Variants in SLC43A3 observed in about 807,000 individuals in gnomAD.
SLC43A3 encodes equilibrative nucleobase transporter 1.
In SLC43A3, 33 loss-of-function variants were observed where a neutral mutation model predicts 53.3. The observed-to-expected ratio is 0.62, with a 90% CI of 0.47 to 0.83. The LOEUF is 0.83. Among genes scored for constraint, SLC43A3 ranks in the 40% least tolerant of loss-of-function variants. SLC43A3 has a pLI of 0.00. For missense variants in SLC43A3, 530 were observed against 610.0 expected (o/e 0.87, Z 1.38); for synonymous variants, 236 against 246.2 (o/e 0.96, Z 0.39).
chr11:57,419,393 G>A lies in SLC43A3; in HGVS notation c.532-1506C>T, dbSNP rs142288831. ...CCATTTTACAGAGAGTGACGTTGAGGTCCAGAGAGGTGCAGTGAATTGCTC... is the reference window on the plus strand; with the variant it reads ...CCATTTTACAGAGAGTGACGTTGAGATCCAGAGAGGTGCAGTGAATTGCTC... On this transcript the variant is annotated intron_variant, in intron 7 of 13. Coordinates refer to ENST00000395124, the MANE Select transcript of SLC43A3 (RefSeq NM_199329.3). Among the ~76,000 whole-genome samples the A allele has an allele frequency of 5.9e-5, 9 of 152,272 alleles. No individual in the cohort carries two copies. In the East Asian group the frequency reaches 1.7e-3, roughly 29 times the overall value.
At position 57,409,104 on chromosome 11, in the gene SLC43A3, G is replaced by A. The variant is rs928858381; in HGVS notation, c.1371+71C>T. The A allele has an allele frequency of 3.3e-6, 5 of 1,530,328 alleles. No individual in the cohort carries two copies. In the African/African-American group the frequency reaches 5.5e-5, roughly 17 times the overall value. 94.8% of individuals were successfully genotyped at this position (1,530,328 alleles called of 1,614,324 possible). ...CATGCTACATACCCAGGCCATCACA[G>A]CCAGATTTGGGGCAGCCAAGGCCTA... On this transcript the variant is annotated intron_variant, in intron 13 of 13. Coordinates refer to ENST00000395124, the MANE Select transcript of SLC43A3 (RefSeq NM_199329.3).
In SLC43A3 at chr11:57,408,382, C is replaced by A. The variant is rs149011284; in HGVS notation, c.1372-486G>T. On this transcript the variant is annotated intron_variant, in intron 13 of 13. Coordinates refer to ENST00000395124, the MANE Select transcript of SLC43A3 (RefSeq NM_199329.3). ...TTCAAAACCAGCCCAGGCAACATAG[C>A]GAAACCCCAGTGTCTATCAAAAAAA... 12 of 156,884 alleles carry A rather than the reference C, an allele frequency of 7.6e-5. No homozygotes were observed. In the East Asian group the frequency reaches 1.9e-3, roughly 25 times the overall value. The allele number at this position is 156,884 out of a possible 1,614,324, so 9.7% of individuals were successfully genotyped here. A position where few individuals can be genotyped will look rare whatever the true frequency, so the allele number is the denominator to read the frequency against.
intron 10 of SLC43A3, 62 bp downstream of exon 10, chr11:57,414,871 G>A (rs767668726): frequency 6.3e-7 from 1 of 1,589,556 alleles, no homozygotes; most frequent in Non-Finnish European, 8.6e-7. Context: ...CAGCCCTGCT[G>A]GGAGGCTCTG....
At chr11:57,413,272 C>G (rs1942566606) in intron 11 of SLC43A3, among the ~76,000 whole-genome samples, 1 of 152,150 alleles carries the variant, frequency 6.6e-6, no homozygotes, top group Admixed American at 6.5e-5. Context: ...ATAGAAGACA[C>G]AGCAACCAAA....
chr11:57,411,494 A>G (rs1942472092), intron 11 of SLC43A3, among the ~76,000 whole-genome samples: 1 of 145,932 alleles, frequency 6.9e-6, no homozygotes. Context: ...AAAAAAAAAA[A>G]AAAAAAAAAA....
At chr11:57,409,061 C>T (rs1183029724) in intron 13 of SLC43A3, 114 bp downstream of exon 13, 15 of 1,031,100 alleles carry the variant, frequency 1.5e-5, no homozygotes, top group Non-Finnish European at 2.1e-5. Context: ...ATAACACAGA[C>T]CCTTTGGGAA....
intron 7 of SLC43A3, among the ~76,000 whole-genome samples, chr11:57,418,889 CA>C (rs112768792): frequency 0.12 from 15,316 of 127,694 alleles, 1,484 homozygotes; most frequent in African/African-American, 0.29. Flanking sequence ...GACTCTGTCT[CA>C]AAAAAAAAAA....
In SLC43A3 at chr11:57,426,192, C is replaced by T. The variant is rs1386150846; in HGVS notation, c.-20G>A. 3 of 1,612,108 alleles carry T rather than the reference C, an allele frequency of 1.9e-6. No individual in the cohort carries two copies. Among genetic ancestry groups the T allele is most frequent in the Non-Finnish European group, 2.5e-6 (3 of 1,178,670 alleles). ...CGCCATGAGCAGAAGTGGAGTGGAT[C>T]TTCAAATCCCACTTTGTCCTCCTGG... On this transcript the variant is annotated 5_prime_UTR_variant, in exon 3 of 14. Transcript: ENST00000395124.
At position 57,426,299 on chromosome 11, in the gene SLC43A3, T is replaced by C. The variant is rs574247862; in HGVS notation, c.-127A>G. The C allele has an allele frequency of 2.3e-5, 20 of 859,430 alleles. No homozygotes were observed. The highest frequency in any genetic ancestry group is 3.2e-5 in the Non-Finnish European group (18 of 564,926). 53.2% of individuals were successfully genotyped at this position (859,430 alleles called of 1,614,324 possible). ...AGCCAAGCCCTTCCTTTCCCGTAGC[T>C]CTCTGGTTGTTTCAGGCCTGGGCAA... On this transcript the variant is annotated 5_prime_UTR_variant, in exon 3 of 14. Transcript: ENST00000395124.
intron 11 of SLC43A3, 29 bp from the exon 12 acceptor site, chr11:57,410,150 C>T: frequency 1.3e-6 from 2 of 1,532,550 alleles, no homozygotes; most frequent in Middle Eastern, 1.7e-4. Flanking sequence ...AAAAGAAGCT[C>T]TCTGTAGGCC....
chr11:57,421,332 T>C lies in SLC43A3; in HGVS notation c.403A>G (p.Ile135Val), dbSNP rs749531115. The stretch of plus-strand genomic sequence containing the variant: ...GTGATGAGAAACAGGATTCCCCCAA[T>C]GGTGAGCATTGGCATGGCCAGGAAG... ...LLFLAMPMLT[I>V]GGILFLITNL... is the part of the protein sequence containing the mutation. Residue 135 changes from isoleucine to valine, a missense_variant, in exon 6 of 14, where the codon ATT (isoleucine) becomes GTT (valine). Ile to Val is a conservative substitution (Grantham distance 29, BLOSUM62 3). Transcript: ENST00000395124. 55 of 1,613,748 alleles carry C rather than the reference T, an allele frequency of 3.4e-5. 1 individual carries two copies. Among genetic ancestry groups the C allele is most frequent in the African/African-American group, 6.7e-5 (5 of 74,880 alleles).
At position 57,424,203 on chromosome 11, in the gene SLC43A3, G is replaced by A. The variant is rs58064405; in HGVS notation, c.315-175C>T. ...GGCTCAAAACCAGGCGCAAGAAGCC[G>A]CGATGAGATTGAGATGTGGTCCTGA... On this transcript the variant is annotated intron_variant, in intron 4 of 13. Transcript: ENST00000395124. The A allele has an allele frequency of 0.014, 9,448 of 659,546 alleles. 666 individuals are homozygous for A. The African/African-American group carries it at 0.15, about 11-fold the overall frequency. 40.9% of individuals were successfully genotyped at this position (659,546 alleles called of 1,614,324 possible).
intron 4 of SLC43A3, among the ~76,000 whole-genome samples, chr11:57,424,987 A>T (rs903602163): frequency 2.7e-5 from 4 of 146,284 alleles, no homozygotes; most frequent in African/African-American, 1.0e-4. Context: ...TGCACAGGAA[A>T]CCCCCCCAGT....
intron 4 of SLC43A3, among the ~76,000 whole-genome samples, chr11:57,424,530 A>T (rs1943121357): frequency 6.6e-6 from 1 of 152,134 alleles, no homozygotes; most frequent in African/African-American, 2.4e-5. Flanking sequence ...GGACTGATCT[A>T]GCTCAGAGTG....
chr11:57,414,087 C>A lies in SLC43A3; in HGVS notation c.1060+528G>T, dbSNP rs76544747. Among the ~76,000 whole-genome samples the A allele has an allele frequency of 2.2e-3, 332 of 152,312 alleles. 2 individuals carry two copies. Among genetic ancestry groups the A allele is most frequent in the African/African-American group, 7.6e-3 (317 of 41,572 alleles). The stretch of plus-strand genomic sequence containing the variant: ...TCTCCACCCTCTAGACTGAGAACAC[C>A]TTGAGAAAAAGAACACATCTATCTT... On this transcript the variant is annotated intron_variant, in intron 11 of 13. Coordinates refer to ENST00000395124, the MANE Select transcript of SLC43A3 (RefSeq NM_199329.3).
In SLC43A3 at chr11:57,407,035, T is replaced by C. The variant is rs1942251508; in HGVS notation, c.*757A>G. On this transcript the variant is annotated 3_prime_UTR_variant, in exon 14 of 14. Coordinates refer to ENST00000395124, the MANE Select transcript of SLC43A3 (RefSeq NM_199329.3). ...CTTTTAAATGCCCAAAGTAAATAAC[T>C]TATATCCCTTCTTGAAAACATCCCC... 6.6e-6 allele frequency: 1 copy of C among 152,142 alleles called. No homozygotes were observed. Among genetic ancestry groups the C allele is most frequent in the East Asian group, 1.9e-4 (1 of 5,200 alleles). The allele number at this position is 152,142 out of a possible 1,614,324, so 9.4% of individuals were successfully genotyped here.
Position 57,407,847 on chromosome 11 carries a change from A to G in SLC43A3, c.1421T>C (p.Phe474Ser), listed in dbSNP as rs144769578. 6.9e-5 allele frequency: 111 copies of G among 1,613,754 alleles called. No individual in the cohort carries two copies. Among genetic ancestry groups the G allele is most frequent in the Non-Finnish European group, 8.8e-5 (104 of 1,179,736 alleles). Residue 474 changes from phenylalanine (F) to serine (S), a missense_variant, in exon 14 of 14, where the codon TTT (phenylalanine) becomes TCT (serine). Phe to Ser is a radical substitution (Grantham distance 155, BLOSUM62 -2). Around this residue, in one of 3 missense-constraint regions of SLC43A3, gnomAD observed 124 missense variants for 166.4 expected, o/e 0.75. Transcript: ENST00000395124. ...AGTACGGCATTCCCGATATACCAGA[A>G]AGGGGTGGAAGAATGTCAGAAGAAT... The part of the protein sequence containing the change: ...LAILLTFFHP[F>S]LVYRECRTWK...
At chr11:57,416,715 C>G in intron 8 of SLC43A3, 45 bp from the exon 9 acceptor site, 3 of 1,458,524 alleles carry the variant, frequency 2.1e-6, no homozygotes, top group Non-Finnish European at 9.6e-7. Context: ...GACTGTGAGC[C>G]GAACCTGAGA....
At position 57,420,991 on chromosome 11, in the gene SLC43A3, G is replaced by T; in HGVS notation, c.512C>A (p.Ala171Glu). ...LYNGAFDSSS[A>E]VFLIIKLLYE... ...ATTTACCTTAATAATAAGGAAGACTGCCGAGGAAGAGTCAAATGCTCCATT... is the reference window on the plus strand; with the variant it reads ...ATTTACCTTAATAATAAGGAAGACTTCCGAGGAAGAGTCAAATGCTCCATT... Residue 171 changes from alanine (A) to glutamate (E), a missense_variant, in exon 7 of 14, where the codon GCA becomes GAA. By Grantham distance (107) the Ala-to-Glu change is moderately radical. This residue lies in a region of SLC43A3 where 376 missense variants were observed against 386.7 expected (regional missense o/e 0.97). Coordinates refer to ENST00000395124, the MANE Select transcript of SLC43A3 (RefSeq NM_199329.3). The T allele has an allele frequency of 6.2e-7, 1 of 1,612,254 alleles. No homozygotes were observed. The highest frequency in any genetic ancestry group is 8.5e-7 in the Non-Finnish European group (1 of 1,178,292).
Sources: allele counts gnomAD v4.1 joint callset (sites outside exome capture counted in the v4.1 genomes callset), GRCh38; gene constraint gnomAD v4.1.1; regional missense constraint gnomAD v4.1.1; transcripts MANE v1.5; gene names NCBI Gene and HGNC (gene_info 2026-07-23, HGNC 2026-07-21).